Variants in NAA15 observed in about 807,000 individuals in gnomAD.
The protein encoded by NAA15 is N-terminal acetyltransferase.
A neutral mutation model predicts 114.0 loss-of-function variants in NAA15; 34 were observed. That is an observed-to-expected ratio of 0.30 (90% CI 0.23 to 0.40). The LOEUF is 0.40. Among genes scored for constraint, NAA15 ranks in the 10% least tolerant of loss-of-function variants. The pLI, the probability that NAA15 is intolerant of heterozygous loss-of-function variation, is 1.00. For missense variants in NAA15, 658 were observed against 1,004.5 expected, an observed-to-expected ratio of 0.66 and a Z score of 4.66; for synonymous variants, 340 against 338.0, an observed-to-expected ratio of 1.01 and a Z score of -0.06.
At chr4:139,320,619 C>G (rs915283614) in intron 1 of NAA15, among the ~76,000 whole-genome samples, 6 of 152,188 alleles carry the variant, frequency 3.9e-5, no homozygotes, top group Non-Finnish European at 7.3e-5. Flanking sequence ...CTCCTGGGTT[C>G]AAGCGATTCT....
intron 1 of NAA15, among the ~76,000 whole-genome samples, chr4:139,305,051 G>C (rs78647245): frequency 0.071 from 10,759 of 152,180 alleles, 1,263 homozygotes; most frequent in African/African-American, 0.25. Context: ...TCCGGAGTAG[G>C]GGGGATCACT....
At chr4:139,385,287 T>TATATATATATATATATATA (rs1560984095) in intron 18 of NAA15, among the ~76,000 whole-genome samples, 2 of 95,762 alleles carry the variant, frequency 2.1e-5, no homozygotes, top group Non-Finnish European at 4.6e-5. Context: ...ATATATAATA[T>TATATATATATATATATATA]ATATATATAT....
At chr4:139,371,860 A>C (rs543826857) in intron 15 of NAA15, among the ~76,000 whole-genome samples, 2 of 152,060 alleles carry the variant, frequency 1.3e-5, no homozygotes, top group African/African-American at 2.4e-5. Context: ...TTATCCCATG[A>C]CTTTCCTTAA....
At chr4:139,320,645 T>G (rs1746566898) in intron 1 of NAA15, among the ~76,000 whole-genome samples, 1 of 152,202 alleles carries the variant, frequency 6.6e-6, no homozygotes. Context: ...CTCTGCCTCC[T>G]GAGCCGCTGG....
Position 139,332,572 on chromosome 4 carries a change from G to GTTTTTTTTTTTTTTTTTTTT in NAA15, c.55-1593_55-1574dup, listed in dbSNP as rs1164115947. ...ACAGTCTTGGTATTTTGGTTTGTAT[G>GTTTTTTTTTTTTTTTTTTTT]TTTTTTTTTTTTTTTTTTTTTTTTT... On this transcript the variant is annotated intron_variant, in intron 1 of 19. Transcript: ENST00000296543. Among the ~76,000 whole-genome samples the GTTTTTTTTTTTTTTTTTTTT allele has an allele frequency of 2.1e-4, 13 of 62,014 alleles. 3 individuals are homozygous for GTTTTTTTTTTTTTTTTTTTT. The highest frequency in any genetic ancestry group is 7.0e-4 in the African/African-American group (9 of 12,766). The allele number at this position is 62,014 out of a possible 152,430, so 40.7% of individuals were successfully genotyped here.
At chr4:139,362,128 G>A (rs1223514506) in intron 14 of NAA15, among the ~76,000 whole-genome samples, 191 bp downstream of exon 14, 1 of 152,144 alleles carries the variant, frequency 6.6e-6, no homozygotes, top group Non-Finnish European at 1.5e-5. Flanking sequence ...TTAATTTGCA[G>A]TTATTCATTG....
chr4:139,334,022 C>G (rs1747117306), intron 1 of NAA15, 152 bp from the exon 2 acceptor site: 1 of 534,220 alleles, frequency 1.9e-6, no homozygotes, highest in South Asian at 2.6e-5. Flanking sequence ...TGTATTTGAA[C>G]CTTTTGTATT....
At chr4:139,360,699 TTTCTC>T in intron 13 of NAA15, 71 bp downstream of exon 13, 2 of 1,354,664 alleles carry the variant, frequency 1.5e-6, no homozygotes, top group East Asian at 2.6e-5. Flanking sequence ...TCATAGTTTT[TTTCTC>T]TTCTATTTCT....
intron 1 of NAA15, 52 bp downstream of exon 1, chr4:139,301,883 G>T (rs776320109): frequency 6.5e-7 from 1 of 1,544,622 alleles, no homozygotes; most frequent in East Asian, 2.5e-5. Flanking sequence ...CGGTAACCGG[G>T]CCTGTCACCC....
At position 139,391,070 on chromosome 4, in the gene NAA15, A is replaced by G. The variant is rs576293521; in HGVS notation, c.*2986A>G. ...TATTGGACTTTGTTGCAAGATAGGTATATACTTGTGTCAGATAATTAAAGC... is the reference window on the plus strand; with the variant it reads ...TATTGGACTTTGTTGCAAGATAGGTGTATACTTGTGTCAGATAATTAAAGC... On this transcript the variant is annotated 3_prime_UTR_variant, in exon 20 of 20. Transcript: ENST00000296543. The G allele has an allele frequency of 1.1e-3, 161 of 152,370 alleles. No homozygotes were observed. Among genetic ancestry groups the G allele is most frequent in the African/African-American group, 2.9e-3 (121 of 41,586 alleles). 9.4% of individuals were successfully genotyped at this position (152,370 alleles called of 1,614,324 possible).
At chr4:139,328,204 AT>A (rs1746869862) in intron 1 of NAA15, among the ~76,000 whole-genome samples, 2 of 151,656 alleles carry the variant, frequency 1.3e-5, no homozygotes, top group South Asian at 4.2e-4. Flanking sequence ...TGAAATTAAA[AT>A]TTTATTTTAT....
At position 139,386,236 on chromosome 4, in the gene NAA15, G is replaced by A; in HGVS notation, c.2400+6G>A. ...TCACTAACAGAAACCTCCAGGTAAA[G>A]AGTTTTTCATAATCTCTCTGTAAGA... On this transcript the variant is annotated splice_donor_region_variant and intron_variant, in intron 19 of 19. Transcript: ENST00000296543. 1 of 1,533,018 alleles carries A rather than the reference G, an allele frequency of 6.5e-7. No homozygotes were observed. The highest frequency in any genetic ancestry group is 1.1e-5 in the South Asian group (1 of 87,364). 95.0% of individuals were successfully genotyped at this position (1,533,018 alleles called of 1,614,324 possible).
At chr4:139,351,344 C>G (rs1370691332) in intron 8 of NAA15, 58 bp downstream of exon 8, 1 of 1,342,328 alleles carries the variant, frequency 7.4e-7, no homozygotes, top group African/African-American at 1.5e-5. Flanking sequence ...AGTTTCTTTT[C>G]TTGGTTTTAA....
intron 4 of NAA15, among the ~76,000 whole-genome samples, chr4:139,342,545 G>A (rs540764497): frequency 6.6e-6 from 1 of 150,480 alleles, no homozygotes; most frequent in South Asian, 2.1e-4. Context: ...TGCCTCCCGG[G>A]TTCAAGTGAT....
Position 139,334,278 on chromosome 4 carries a change from G to A in NAA15, c.139+20G>A. ...ATGGAGGTAAGTGCAAGTAGATAAAGCTTTACTACATACCTGTCTGGCCTC... is the reference window on the plus strand; with the variant it reads ...ATGGAGGTAAGTGCAAGTAGATAAAACTTTACTACATACCTGTCTGGCCTC... On this transcript the variant is annotated intron_variant, in intron 2 of 19. Transcript: ENST00000296543. The A allele has an allele frequency of 6.7e-7, 1 of 1,499,066 alleles. No homozygotes were observed. The allele number at this position is 1,499,066 out of a possible 1,614,324, so 92.9% of individuals were successfully genotyped here. A position where few individuals can be genotyped will look rare whatever the true frequency, so the allele number is the denominator to read the frequency against.
At chr4:139,312,453 G>T (rs1231058612) in intron 1 of NAA15, among the ~76,000 whole-genome samples, 3 of 151,892 alleles carry the variant, frequency 2.0e-5, no homozygotes, top group Non-Finnish European at 4.4e-5. Context: ...CTAACTTGTT[G>T]CCTGTGGTTT....
intron 18 of NAA15, among the ~76,000 whole-genome samples, chr4:139,385,308 T>TAA (rs1489273737): frequency 1.1e-5 from 1 of 91,856 alleles, no homozygotes; most frequent in African/African-American, 3.9e-5. Flanking sequence ...ATAATATATA[T>TAA]TATATATATA....
At position 139,301,680 on chromosome 4, in the gene NAA15, T is replaced by C; in HGVS notation, c.-98T>C. ...CTGGTGGTGGCGGCGGATCGAGATA[T>C]TCAAGGCTGAAGCAGCTACGGAACG... On this transcript the variant is annotated 5_prime_UTR_variant, in exon 1 of 20. Transcript: ENST00000296543. 1 of 1,404,026 alleles carries C rather than the reference T, an allele frequency of 7.1e-7. No individual in the cohort carries two copies. The highest frequency in any genetic ancestry group is 9.7e-7 in the Non-Finnish European group (1 of 1,032,006). 87.0% of individuals were successfully genotyped at this position (1,404,026 alleles called of 1,614,324 possible).
At chr4:139,307,439 G>C (rs755975403) in intron 1 of NAA15, among the ~76,000 whole-genome samples, 1 of 152,124 alleles carries the variant, frequency 6.6e-6, no homozygotes, top group Non-Finnish European at 1.5e-5. Context: ...GCTAATTTTT[G>C]TATTTTTGGT....
Sources: allele counts gnomAD v4.1 joint callset (sites outside exome capture counted in the v4.1 genomes callset), GRCh38; gene constraint gnomAD v4.1.1; transcripts MANE v1.5; gene names NCBI Gene and HGNC (gene_info 2026-07-23, HGNC 2026-07-21).